The following TOX3 variants were observed in gnomAD, a reference collection of about 807,000 sequenced individuals.
TOX3 encodes the protein TOX high mobility group box family member 3, also known as CAG trinucleotide repeat-containing gene F9 protein.
In TOX3, 22 loss-of-function variants were observed where a neutral mutation model predicts 64.3. The ratio of observed to expected loss-of-function variants is 0.34; its 90% CI spans 0.24 to 0.49. TOX3 has a LOEUF of 0.49. Ranked by LOEUF, TOX3 falls within the 20% of genes least tolerant of loss-of-function variation. The pLI is 0.99. For missense variants in TOX3, 661 were observed against 714.4 expected (o/e 0.93, Z 0.85); for synonymous variants, 291 against 273.6 (o/e 1.06, Z -0.63).
In TOX3 at chr16:52,441,566, C is replaced by T. The variant is rs539989232; in HGVS notation, c.988-1598G>A. ...TGATTGGAATGATTCATTCCAGAGA[C>T]GATTTTTTCCTTGTATTTTTCATTT... is the stretch of plus-strand genomic sequence containing the variant. On this transcript the variant is annotated intron_variant, in intron 6 of 6. Transcript: ENST00000219746. Among the ~76,000 whole-genome samples, 102 of 152,206 alleles carry T rather than the reference C, an allele frequency of 6.7e-4. 1 individual carries two copies. The highest frequency in any genetic ancestry group is 2.2e-3 in the Admixed American group (33 of 15,294).
intron 6 of TOX3, among the ~76,000 whole-genome samples, chr16:52,440,820 G>A (rs1322799563): frequency 2.1e-5 from 3 of 142,446 alleles, no homozygotes; most frequent in Non-Finnish European, 4.5e-5. Flanking sequence ...GAGTGCAGCG[G>A]CGCGATCTCA....
intron 1 of TOX3, among the ~76,000 whole-genome samples, chr16:52,538,117 T>C (rs9921569): frequency 0.32 from 48,265 of 151,956 alleles, 7,951 homozygotes; most frequent in East Asian, 0.46. Context: ...TTTATTAGAA[T>C]TTTTAAATAA....
In TOX3 at chr16:52,547,020, G is replaced by T. The variant is rs1375340979; in HGVS notation, c.-297C>A. ...CGCCGGGGGCGCGGGGCGCGGCGCT[G>T]GGGCCCGGGTCGGCGAGGCGAGTTC... is the stretch of plus-strand genomic sequence containing the variant. On this transcript the variant is annotated 5_prime_UTR_variant, in exon 1 of 7. Transcript: ENST00000219746. 2.2e-6 allele frequency: 2 copies of T among 907,426 alleles called. No individual in the cohort carries two copies. The highest frequency in any genetic ancestry group is 3.6e-5 in the African/African-American group (2 of 55,176). 56.2% of individuals were successfully genotyped at this position (907,426 alleles called of 1,614,324 possible).
chr16:52,462,485 A>T (rs1157823103), intron 3 of TOX3, among the ~76,000 whole-genome samples: 1 of 152,104 alleles, frequency 6.6e-6, no homozygotes, highest in Non-Finnish European at 1.5e-5. Flanking sequence ...CAGATGTTTA[A>T]TTTAAAGGCA....
At chr16:52,544,187 T>C (rs367997648) in intron 1 of TOX3, among the ~76,000 whole-genome samples, 35 of 152,338 alleles carry the variant, frequency 2.3e-4, no homozygotes, top group African/African-American at 7.9e-4. Context: ...CATGTCTTTA[T>C]ATGCTAGTTT....
Position 52,444,291 on chromosome 16 carries a change from G to T in TOX3, c.972C>A (p.Ala324=), listed in dbSNP as rs751932770. The part of the protein sequence containing the change: ...EYLKALAAYR[A]SLVSKAAAES... ...CCAGGTTTACCTTAGAAACGAGGCTGGCCCTGTATGCCGCCAGGGCCTTCA... is the reference window on the plus strand; with the variant it reads ...CCAGGTTTACCTTAGAAACGAGGCTTGCCCTGTATGCCGCCAGGGCCTTCA... The change falls in exon 6 of 7, where the codon GCC becomes GCA. Residue 324 remains alanine (A), a synonymous_variant. Transcript: ENST00000219746. The T allele has an allele frequency of 6.3e-7, 1 of 1,583,782 alleles. No individual in the cohort carries two copies. Among genetic ancestry groups the T allele is most frequent in the Non-Finnish European group, 8.6e-7 (1 of 1,162,518 alleles).
chr16:52,533,428 C>A (rs1400837897), intron 1 of TOX3, among the ~76,000 whole-genome samples: 1 of 152,244 alleles, frequency 6.6e-6, no homozygotes, highest in African/African-American at 2.4e-5. Flanking sequence ...TTCAATCCCC[C>A]AGATAAAATA....
rs979681217 is a variant in TOX3 at position 52,439,729 on chromosome 16, C to A, written c.1227G>T (p.Ser409=). Reference sequence around the variant, plus strand: ...AGCTTATCAGTGGAGCCCCAATGTTCGAGGGCATGTTGGCTGCAATGGTGA... The same window carrying A: ...AGCTTATCAGTGGAGCCCCAATGTTAGAGGGCATGTTGGCTGCAATGGTGA... ...TSVTIAANMP[S]NIGAPLISSM... Residue 409 remains serine (S), a synonymous_variant, in exon 7 of 7, where the codon TCG becomes TCT. Coordinates refer to ENST00000219746, the MANE Select transcript of TOX3 (RefSeq NM_001080430.4). The A allele has an allele frequency of 1.2e-6, 2 of 1,613,788 alleles. No homozygotes were observed. The highest frequency in any genetic ancestry group is 2.7e-5 in the African/African-American group (2 of 74,892).
At chr16:52,540,946 C>G (rs989740439) in intron 1 of TOX3, among the ~76,000 whole-genome samples, 1 of 152,116 alleles carries the variant, frequency 6.6e-6, no homozygotes, top group Non-Finnish European at 1.5e-5. Context: ...ATGGTTTATG[C>G]CACCATTTGT....
At chr16:52,480,666 C>G (rs962725859) in intron 1 of TOX3, among the ~76,000 whole-genome samples, 10 of 152,208 alleles carry the variant, frequency 6.6e-5, no homozygotes, top group African/African-American at 2.4e-4. Flanking sequence ...TCTCTAATTT[C>G]AATAAATCCC....
intron 1 of TOX3, among the ~76,000 whole-genome samples, chr16:52,512,384 C>T (rs1027172411): frequency 5.3e-5 from 8 of 152,170 alleles, no homozygotes; most frequent in African/African-American, 1.4e-4. Flanking sequence ...CTCTATTACC[C>T]AGAACTTGAC....
intron 2 of TOX3, among the ~76,000 whole-genome samples, chr16:52,464,549 A>T (rs910404650): frequency 4.6e-5 from 7 of 152,236 alleles, no homozygotes; most frequent in African/African-American, 1.7e-4. Context: ...CACATGCTTT[A>T]TAAAATGCTG....
At chr16:52,444,631 G>A in intron 5 of TOX3, 1 of 299,304 alleles carries the variant, frequency 3.3e-6, no homozygotes. Flanking sequence ...ATGCAATACA[G>A]ATTACTTGAG....
chr16:52,519,576 C>A, intron 1 of TOX3: 1 of 1,453,160 alleles, frequency 6.9e-7, no homozygotes, highest in Admixed American at 2.6e-5. Flanking sequence ...GAAATGCATC[C>A]TAGCTGAGCA....
At chr16:52,520,871 T>G (rs1962592318) in intron 1 of TOX3, among the ~76,000 whole-genome samples, 1 of 152,204 alleles carries the variant, frequency 6.6e-6, no homozygotes, top group Non-Finnish European at 1.5e-5. Context: ...TATAGTATTG[T>G]GAGCCTTTAT....
chr16:52,547,486 T>G (rs937679058), upstream of TOX3: 10 of 152,270 alleles, frequency 6.6e-5, no homozygotes, highest in African/African-American at 2.4e-4. Context: ...CCCACCCTCC[T>G]CCTGCGCGAC....
intron 1 of TOX3, among the ~76,000 whole-genome samples, chr16:52,495,023 G>C (rs745413963): frequency 1.3e-5 from 2 of 152,108 alleles, no homozygotes; most frequent in African/African-American, 4.8e-5. Context: ...AAGCGGCATC[G>C]GTTCAAATCC....
chr16:52,545,654 C>G (rs1424857920), intron 1 of TOX3, among the ~76,000 whole-genome samples: 3 of 152,138 alleles, frequency 2.0e-5, no homozygotes, highest in Non-Finnish European at 4.4e-5. Flanking sequence ...GGAAAGAAAA[C>G]CACATTCAAA....
chr16:52,539,394 A>G (rs944432492), intron 1 of TOX3, among the ~76,000 whole-genome samples: 9 of 152,350 alleles, frequency 5.9e-5, no homozygotes, highest in African/African-American at 1.7e-4. Flanking sequence ...ATAACTATTA[A>G]GAGAGAAAGG....
Sources: allele counts gnomAD v4.1 joint callset (sites outside exome capture counted in the v4.1 genomes callset), GRCh38; gene constraint gnomAD v4.1.1; transcripts MANE v1.5; gene names NCBI Gene and HGNC (gene_info 2026-07-23, HGNC 2026-07-21).